Variants in ST6GALNAC3 observed in about 807,000 individuals in gnomAD.
The protein encoded by ST6GALNAC3 is ST6 N-acetylgalactosaminide alpha-2,6-sialyltransferase 3, also known as alpha-N-acetylgalactosaminide alpha-2,6-sialyltransferase 3.
Under a neutral mutation model 32.7 loss-of-function variants are expected in ST6GALNAC3, and 25 were observed. The observed-to-expected ratio is 0.76, with a 90% CI of 0.56 to 1.07. The LOEUF is 1.07. Among genes scored for constraint, ST6GALNAC3 ranks in the 50% least tolerant of loss-of-function variants. The pLI is 0.00. For synonymous variants in ST6GALNAC3, 129 were observed against 133.1 expected (o/e 0.97, Z 0.21); for missense variants, 355 against 382.4 (o/e 0.93, Z 0.60).
At chr1:76,337,518 ACTTTTT>A (rs1469283932) in intron 2 of ST6GALNAC3, among the ~76,000 whole-genome samples, 4 of 151,716 alleles carry the variant, frequency 2.6e-5, no homozygotes, top group African/African-American at 7.3e-5. Context: ...TGGAAGGAGG[ACTTTTT>A]CTTTTAACCC....
At chr1:76,531,975 G>A (rs1663287254) in intron 3 of ST6GALNAC3, among the ~76,000 whole-genome samples, 1 of 152,294 alleles carries the variant, frequency 6.6e-6, no homozygotes, top group African/African-American at 2.4e-5. Context: ...AAACACAGCT[G>A]CACAGTAACA....
chr1:76,086,690 A>G (rs940777683), intron 1 of ST6GALNAC3, among the ~76,000 whole-genome samples: 1 of 152,224 alleles, frequency 6.6e-6, no homozygotes, highest in Non-Finnish European at 1.5e-5. Context: ...AAAACCAAGT[A>G]GATGAAACCT....
intron 1 of ST6GALNAC3, among the ~76,000 whole-genome samples, chr1:76,097,801 C>T (rs1165633565): frequency 1.3e-5 from 2 of 152,092 alleles, no homozygotes; most frequent in African/African-American, 4.8e-5. Flanking sequence ...ATGTTGTGAA[C>T]ATTCCTGTAC....
At chr1:76,210,839 C>A (rs1655113612) in intron 1 of ST6GALNAC3, among the ~76,000 whole-genome samples, 1 of 152,154 alleles carries the variant, frequency 6.6e-6, no homozygotes, top group Non-Finnish European at 1.5e-5. Context: ...CTCTGCCTCC[C>A]AGGTTCAAGC....
intron 3 of ST6GALNAC3, among the ~76,000 whole-genome samples, chr1:76,581,609 A>G (rs1289330936): frequency 1.3e-5 from 2 of 152,192 alleles, no homozygotes; most frequent in East Asian, 3.8e-4. Flanking sequence ...ATAATTTTTG[A>G]GCATTTAACC....
At chr1:76,539,668 A>AG (rs1253884009) in intron 3 of ST6GALNAC3, among the ~76,000 whole-genome samples, 2 of 151,728 alleles carry the variant, frequency 1.3e-5, no homozygotes, top group Non-Finnish European at 2.9e-5. Context: ...ATTTGCAAGA[A>AG]AAAAAAACCC....
At chr1:76,599,452 C>T (rs1647186051) in intron 3 of ST6GALNAC3, among the ~76,000 whole-genome samples, 1 of 151,918 alleles carries the variant, frequency 6.6e-6, no homozygotes, top group Non-Finnish European at 1.5e-5. Flanking sequence ...TCCCCTTGCC[C>T]CCCACCCTCC....
intron 3 of ST6GALNAC3, among the ~76,000 whole-genome samples, chr1:76,518,828 G>A (rs1198637543): frequency 1.3e-5 from 2 of 152,132 alleles, no homozygotes; most frequent in Non-Finnish European, 2.9e-5. Flanking sequence ...ACTTTGGGAG[G>A]CCAAGGCGGG....
intron 3 of ST6GALNAC3, among the ~76,000 whole-genome samples, chr1:76,511,812 A>G (rs572670250): frequency 6.6e-6 from 1 of 152,342 alleles, no homozygotes; most frequent in South Asian, 2.1e-4. Context: ...ATCAAAATCA[A>G]TATGCCGTTC....
At chr1:76,099,381 A>G (rs1459343395) in intron 1 of ST6GALNAC3, among the ~76,000 whole-genome samples, 1 of 152,162 alleles carries the variant, frequency 6.6e-6, no homozygotes, top group Non-Finnish European at 1.5e-5. Context: ...TGAAATGAAA[A>G]CGTATGTCCA....
At chr1:76,326,879 T>A (rs1458320211) in intron 2 of ST6GALNAC3, among the ~76,000 whole-genome samples, 1 of 139,990 alleles carries the variant, frequency 7.1e-6, no homozygotes, top group African/African-American at 2.5e-5. Context: ...TGTTTTTAAA[T>A]AATCTTTTTC....
At chr1:76,361,459 G>A (rs1403262004) in intron 2 of ST6GALNAC3, among the ~76,000 whole-genome samples, 1 of 151,912 alleles carries the variant, frequency 6.6e-6, no homozygotes, top group African/African-American at 2.4e-5. Context: ...ACCACATTTT[G>A]TTTAACCATT....
intron 1 of ST6GALNAC3, among the ~76,000 whole-genome samples, chr1:76,165,330 C>T (rs1652054317): frequency 6.6e-6 from 1 of 151,846 alleles, no homozygotes; most frequent in South Asian, 2.1e-4. Context: ...TCATTCATGT[C>T]CCTGTAAAAG....
At chr1:76,571,938 T>C (rs1665886222) in intron 3 of ST6GALNAC3, among the ~76,000 whole-genome samples, 1 of 152,096 alleles carries the variant, frequency 6.6e-6, no homozygotes, top group Admixed American at 6.6e-5. Context: ...AATCATCTTA[T>C]CAAAAATTAT....
chr1:76,624,114 G>C (rs542853121), intron 3 of ST6GALNAC3, among the ~76,000 whole-genome samples: 16 of 152,068 alleles, frequency 1.1e-4, no homozygotes, highest in African/African-American at 3.6e-4. Context: ...ATTAAGTGCT[G>C]TTTGTAGGAC....
chr1:76,258,333 C>T (rs752700496), intron 1 of ST6GALNAC3, among the ~76,000 whole-genome samples: 1 of 152,180 alleles, frequency 6.6e-6, no homozygotes, highest in South Asian at 2.1e-4. Flanking sequence ...GTACAGTACA[C>T]CTCTTACAAA....
At chr1:76,174,351 A>C (rs1652712454) in intron 1 of ST6GALNAC3, among the ~76,000 whole-genome samples, 1 of 151,898 alleles carries the variant, frequency 6.6e-6, no homozygotes. Context: ...CTTACAGGAT[A>C]GGTCAATAGT....
chr1:76,594,342 A>G (rs937108659), intron 3 of ST6GALNAC3, among the ~76,000 whole-genome samples: 3 of 152,102 alleles, frequency 2.0e-5, no homozygotes, highest in African/African-American at 7.2e-5. Flanking sequence ...AGAAGAATAC[A>G]CCTCATCTAC....
intron 3 of ST6GALNAC3, among the ~76,000 whole-genome samples, chr1:76,510,409 T>C (rs373405424): frequency 1.3e-5 from 2 of 151,642 alleles, no homozygotes; most frequent in Admixed American, 6.6e-5. Flanking sequence ...CTTTGCAGTC[T>C]AGAAGCCAGC....
Sources: gnomAD v4.1 joint callset for allele counts (sites outside exome capture counted in the v4.1 genomes callset) on GRCh38, gnomAD v4.1.1 for gene constraint, MANE v1.5 for transcripts, NCBI Gene and HGNC (gene_info 2026-07-23, HGNC 2026-07-21) for gene names.